SBF1: variants seen among roughly 807,000 people sequenced by gnomAD.
SBF1 encodes the protein SET binding factor 1.
Under a neutral mutation model 215.8 loss-of-function variants are expected in SBF1, and 65 were observed. That is an observed-to-expected ratio of 0.30 (90% confidence interval 0.25 to 0.37). The LOEUF (loss-of-function observed/expected upper bound fraction) is 0.37, where lower values mean the gene tolerates loss of function less well. Ranked by LOEUF, SBF1 falls within the 10% of genes least tolerant of loss-of-function variation. The pLI is 1.00. For synonymous variants in SBF1, 1,410 were observed against 1,122.8 expected, an observed-to-expected ratio of 1.26 and a Z score of -5.11; for missense variants, 2,634 against 2,667.8, an observed-to-expected ratio of 0.99 and a Z score of 0.28.
chr22:50,467,510 C>A, intron 4 of SBF1, 22 bp downstream of exon 4: 1 of 1,613,706 alleles, frequency 6.2e-7, no homozygotes, highest in South Asian at 1.1e-5. Flanking sequence ...TCGTGCCTCG[C>A]CGCCCCGGCT....
At chr22:50,468,230 AC>A (rs2067860428) in intron 2 of SBF1, 145 bp downstream of exon 2, 6 of 765,958 alleles carry the variant, frequency 7.8e-6, no homozygotes, top group Non-Finnish European at 1.2e-5. Flanking sequence ...AGCCGGTCAA[AC>A]CCCCCGACAG....
At chr22:50,454,776 G>T (rs367816247) in intron 35 of SBF1, 34 bp from the exon 36 acceptor site, 1 of 1,602,762 alleles carries the variant, frequency 6.2e-7, no homozygotes, top group Non-Finnish European at 8.5e-7. Flanking sequence ...GACCTGGGTC[G>T]GGCAGGAGCC....
Position 50,460,611 on chromosome 22 carries a change from G to A in SBF1, c.3069C>T (p.Thr1023=), listed in dbSNP as rs766719895. ...KLRYPPDIRA[T]FAFTLGSAHT... ...GGGCAGAGCCCAAGGTGAACGCAAA[G>A]GTGGCCCTGATGTCCGGCGGGTACC... The change falls in exon 24 of 41, where the codon ACC becomes ACT. Residue 1023 remains threonine, a synonymous_variant. Coordinates refer to ENST00000380817, the MANE Select transcript of SBF1 (RefSeq NM_002972.4). 6.2e-7 allele frequency: 1 copy of A among 1,614,130 alleles called. No homozygotes were observed. Among genetic ancestry groups the A allele is most frequent in the South Asian group, 1.1e-5 (1 of 91,092 alleles).
At position 50,464,523 on chromosome 22, in the gene SBF1, T is replaced by C; in HGVS notation, c.1636+11A>G. The C allele has an allele frequency of 6.2e-7, 1 of 1,603,856 alleles. No individual in the cohort carries two copies. Among genetic ancestry groups the C allele is most frequent in the Non-Finnish European group, 8.5e-7 (1 of 1,173,460 alleles). ...CGCTCGGGGCCTGCCTTCCCCTCCCTCATTACGCACTCATGGGGGGCCCTG... is the reference window on the plus strand; with the variant it reads ...CGCTCGGGGCCTGCCTTCCCCTCCCCCATTACGCACTCATGGGGGGCCCTG... On this transcript the variant is annotated intron_variant, in intron 14 of 40. Coordinates refer to ENST00000380817, the MANE Select transcript of SBF1 (RefSeq NM_002972.4).
At chr22:50,460,744 G>A in intron 23 of SBF1, 32 bp from the exon 24 acceptor site, 2 of 1,596,390 alleles carry the variant, frequency 1.3e-6, no homozygotes, top group East Asian at 4.5e-5. Flanking sequence ...TTAGGGGTGT[G>A]GGTGGCCCCC....
rs931247070 is a variant in SBF1 at position 50,445,393 on chromosome 22, G to A, written c.*1749C>T. 1 of 152,256 alleles carries A rather than the reference G, an allele frequency of 6.6e-6. No individual in the cohort carries two copies. The highest frequency in any genetic ancestry group is 1.5e-5 in the Non-Finnish European group (1 of 68,090). 9.4% of individuals were successfully genotyped at this position (152,256 alleles called of 1,614,324 possible). On this transcript the variant is annotated 3_prime_UTR_variant, in exon 41 of 41. Transcript: ENST00000380817. ...CCCACCTTGTCCTCAGTGGCTGAGT[G>A]GGAGGGGCAGGTGGAGACCAGACCC...
chr22:50,451,795 C>G (rs143661544), intron 36 of SBF1, among the ~76,000 whole-genome samples: 1 of 139,672 alleles, frequency 7.2e-6, no homozygotes, highest in African/African-American at 2.6e-5. Context: ...AAAGTAATAT[C>G]TTTTTTTTTT....
rs1255451855 is a variant in SBF1 at position 50,464,659 on chromosome 22, G to A, written c.1511C>T (p.Pro504Leu). 5.6e-6 allele frequency: 9 copies of A among 1,608,578 alleles called. No homozygotes were observed. The highest frequency in any genetic ancestry group is 7.6e-6 in the Non-Finnish European group (9 of 1,179,772). Residue 504 changes from proline (P) to leucine (L), a missense_variant, in exon 14 of 41, where the codon CCC becomes CTC. Coordinates refer to ENST00000380817, the MANE Select transcript of SBF1 (RefSeq NM_002972.4). ...ESSHLRRVPR[P>L]FPRLDEGTVQ... ...GGTGCCCTCATCCAGCCGGGGGAAGGGTCGGGGCACCCGTCGCAGGTGGCT... is the reference window on the plus strand; with the variant it reads ...GGTGCCCTCATCCAGCCGGGGGAAGAGTCGGGGCACCCGTCGCAGGTGGCT...
chr22:50,449,643 C>CAA (rs1442462248), intron 36 of SBF1, among the ~76,000 whole-genome samples: 2 of 151,040 alleles, frequency 1.3e-5, no homozygotes, highest in Non-Finnish European at 2.9e-5. Flanking sequence ...CACACACACA[C>CAA]ACACACACAC....
At chr22:50,464,238 G>A in intron 15 of SBF1, 91 bp downstream of exon 15, 1 of 1,097,264 alleles carries the variant, frequency 9.1e-7, no homozygotes, top group Non-Finnish European at 1.3e-6. Flanking sequence ...GAGGCCCTGG[G>A]GCAGCGTCAG....
chr22:50,461,414 A>C, intron 22 of SBF1, 109 bp downstream of exon 22: 1 of 1,493,676 alleles, frequency 6.7e-7, no homozygotes, highest in East Asian at 2.3e-5. Flanking sequence ...CCCGTTTCCC[A>C]CGGGCACCCA....
Position 50,459,676 on chromosome 22 carries a change from G to A in SBF1, c.3492-10C>T, listed in dbSNP as rs367873562. 106 of 1,596,334 alleles carry A rather than the reference G, an allele frequency of 6.6e-5. No homozygotes were observed. The highest frequency in any genetic ancestry group is 8.7e-5 in the Non-Finnish European group (102 of 1,173,776). Reference sequence around the variant, plus strand: ...CAGCAGCCCTGGGTAGCTGAGAGGAGGCAGAGGCGTGAAGGTGGCTGGCGA... The same window carrying A: ...CAGCAGCCCTGGGTAGCTGAGAGGAAGCAGAGGCGTGAAGGTGGCTGGCGA... On this transcript the variant is annotated splice_polypyrimidine_tract_variant and intron_variant, in intron 26 of 40. Coordinates refer to ENST00000380817, the MANE Select transcript of SBF1 (RefSeq NM_002972.4).
In SBF1 at chr22:50,448,425, A is replaced by T. The variant is rs2066918652; in HGVS notation, c.5171T>A (p.Leu1724His). The change falls in exon 38 of 41, where the codon CTT becomes CAT. Residue 1724 changes from leucine (L) to histidine (H), a missense_variant. Physicochemically the swap from Leu to His is moderately conservative, Grantham distance 99 (BLOSUM62 -3). Coordinates refer to ENST00000380817, the MANE Select transcript of SBF1 (RefSeq NM_002972.4). ...ACGGTGGTGGGGTGCGGTGGACACA[A>T]GGAGGGAGCTAGGGGTGCCCTGGGA... ...PDGRGTPSSL[L>H]VSTAPHHRRS... The T allele has an allele frequency of 1.2e-6, 2 of 1,613,568 alleles. No homozygotes were observed. The highest frequency in any genetic ancestry group is 2.7e-5 in the African/African-American group (2 of 74,922).
At chr22:50,452,836 G>A (rs185275360) in intron 36 of SBF1, among the ~76,000 whole-genome samples, 11 of 151,034 alleles carry the variant, frequency 7.3e-5, no homozygotes, top group Admixed American at 1.3e-4. Context: ...ACACACTGCC[G>A]TAAGGCTCTT....
At chr22:50,461,406 C>G (rs558184907) in intron 22 of SBF1, 117 bp downstream of exon 22, 2 of 1,495,428 alleles carry the variant, frequency 1.3e-6, no homozygotes, top group Non-Finnish European at 1.8e-6. Context: ...GACAAAGGCC[C>G]GTTTCCCACG....
chr22:50,455,587 A>G lies in SBF1; in HGVS notation c.4267-5T>C, dbSNP rs1341154312. On this transcript the variant is annotated splice_region_variant and splice_polypyrimidine_tract_variant and intron_variant, in intron 31 of 40. Transcript: ENST00000380817. Reference sequence around the variant, plus strand: ...CACCTGCAGCAGCTTGTGGATCTGCAGGGACAGGCGGCCTCAGCACCTCGG... The same window carrying G: ...CACCTGCAGCAGCTTGTGGATCTGCGGGGACAGGCGGCCTCAGCACCTCGG... 6.4e-7 allele frequency: 1 copy of G among 1,565,794 alleles called. No individual in the cohort carries two copies. Among genetic ancestry groups the G allele is most frequent in the East Asian group, 2.4e-5 (1 of 41,938 alleles).
At chr22:50,453,159 G>C (rs1158712846) in intron 36 of SBF1, among the ~76,000 whole-genome samples, 2 of 152,106 alleles carry the variant, frequency 1.3e-5, no homozygotes, top group Non-Finnish European at 2.9e-5. Context: ...CTGTGTACAA[G>C]AAACTCACCT....
At chr22:50,463,989 A>G (rs1002817020) in intron 15 of SBF1, among the ~76,000 whole-genome samples, 3 of 152,206 alleles carry the variant, frequency 2.0e-5, no homozygotes, top group African/African-American at 7.2e-5. Flanking sequence ...GGAGGGAGCA[A>G]GCTCTGTTTT....
Position 50,462,913 on chromosome 22 carries a change from C to T in SBF1, c.1925G>A (p.Gly642Asp), listed in dbSNP as rs764386345. Residue 642 changes from glycine (G) to aspartate (D), a missense_variant, in exon 17 of 41, where the codon GGC becomes GAC. By Grantham distance (94) the Gly-to-Asp change is moderately conservative (BLOSUM62 -1). Coordinates refer to ENST00000380817, the MANE Select transcript of SBF1 (RefSeq NM_002972.4). ...CAGAGGCAGCAGAGCCGCCGCAATG[C>T]CATGCTCGTCCAGAGAAGTGCAGTC... ...LQDCTSLDEH[G>D]IAAALLPLVT... 6.2e-6 allele frequency: 10 copies of T among 1,613,128 alleles called. No homozygotes were observed. The Admixed American group carries it at 8.3e-5, about 13-fold the overall frequency.
Sources: gnomAD v4.1 joint callset for allele counts (sites outside exome capture counted in the v4.1 genomes callset) on GRCh38, gnomAD v4.1.1 for gene constraint, MANE v1.5 for transcripts, NCBI Gene and HGNC (gene_info 2026-07-23, HGNC 2026-07-21) for gene names.